CCDC7: variants seen among roughly 807,000 people sequenced by gnomAD.
CCDC7 encodes coiled-coil domain containing 7, also known as coiled-coil domain-containing protein 7.
A neutral mutation model predicts 196.9 loss-of-function variants in CCDC7; 183 were observed. The observed-to-expected ratio is 0.93, with a 90% confidence interval of 0.82 to 1.05. The LOEUF (loss-of-function observed/expected upper bound fraction) is 1.05. Among genes scored for constraint, CCDC7 ranks in the 50% least tolerant of loss-of-function variants. The probability of loss-of-function intolerance (pLI) is 0.00; values close to 1 mark genes in which losing one functional copy is unlikely to be tolerated. For synonymous variants in CCDC7, 525 were observed against 484.6 expected, an observed-to-expected ratio of 1.08 and a Z score of -1.10; for missense variants, 1,540 against 1,482.2, an observed-to-expected ratio of 1.04 and a Z score of -0.64.
At chr10:32,643,350 A>G (rs2067182765) in intron 20 of CCDC7, among the ~76,000 whole-genome samples, 1 of 152,072 alleles carries the variant, frequency 6.6e-6, no homozygotes, top group African/African-American at 2.4e-5. Context: ...TGTGTGGTGT[A>G]TCTCTTTTCA....
At chr10:32,581,411 C>G (rs1202386784) in intron 16 of CCDC7, among the ~76,000 whole-genome samples, 2 of 152,016 alleles carry the variant, frequency 1.3e-5, no homozygotes, top group Non-Finnish European at 2.9e-5. Flanking sequence ...TGTTCTCCTC[C>G]TCCTCCTCCT....
rs2033212413 is a variant in CCDC7 at position 32,452,050 on chromosome 10, A to G, written c.279+129A>G. Reference sequence around the variant, plus strand: ...GGCTAAGATTTATTACAGTAGGCACATGAGGTGAAATTAGGAGAAAACCAG... The same window carrying G: ...GGCTAAGATTTATTACAGTAGGCACGTGAGGTGAAATTAGGAGAAAACCAG... On this transcript the variant is annotated intron_variant, in intron 1 of 41. Transcript: ENST00000639629. 7.0e-6 allele frequency: 9 copies of G among 1,293,220 alleles called. No homozygotes were observed. The South Asian group carries it at 1.7e-4, about 24-fold the overall frequency. The allele number at this position is 1,293,220 out of a possible 1,614,324, so 80.1% of individuals were successfully genotyped here. A position where few individuals can be genotyped will look rare whatever the true frequency, so the allele number is the denominator to read the frequency against.
chr10:32,838,914 T>G (rs371631173), intron 33 of CCDC7, among the ~76,000 whole-genome samples: 31 of 152,094 alleles, frequency 2.0e-4, no homozygotes, highest in African/African-American at 7.0e-4. Context: ...AGATACAGTC[T>G]TTTCCAGACA....
At chr10:32,570,968 A>T (rs962472866) in intron 15 of CCDC7, among the ~76,000 whole-genome samples, 3 of 151,368 alleles carry the variant, frequency 2.0e-5, no homozygotes, top group African/African-American at 7.3e-5. Flanking sequence ...CACAAGAGGT[A>T]ATTTATTAAT....
chr10:32,554,134 C>T (rs2053963781), intron 13 of CCDC7, among the ~76,000 whole-genome samples: 1 of 152,212 alleles, frequency 6.6e-6, no homozygotes, highest in South Asian at 2.1e-4. Context: ...ACCCAGCTCC[C>T]ACCCAAAATG....
intron 21 of CCDC7, among the ~76,000 whole-genome samples, chr10:32,676,913 A>T (rs2075078095): frequency 1.3e-5 from 2 of 152,214 alleles, no homozygotes; most frequent in South Asian, 2.1e-4. Flanking sequence ...ATAAAGACAC[A>T]TGCACACATA....
chr10:32,454,005 T>A (rs2033747738), intron 2 of CCDC7, among the ~76,000 whole-genome samples: 1 of 152,130 alleles, frequency 6.6e-6, no homozygotes, highest in African/African-American at 2.4e-5. Context: ...TAGCATACAA[T>A]GAAATACTCT....
intron 21 of CCDC7, among the ~76,000 whole-genome samples, chr10:32,676,689 A>C (rs58763752): frequency 0.012 from 1,781 of 152,112 alleles, 21 homozygotes; most frequent in South Asian, 0.019. Context: ...CACACCAGTT[A>C]GAATGGCAAT....
intron 13 of CCDC7, among the ~76,000 whole-genome samples, chr10:32,545,624 G>A (rs1196997022): frequency 5.3e-5 from 8 of 152,148 alleles, no homozygotes; most frequent in Non-Finnish European, 2.9e-5. Flanking sequence ...CGTATGTCTG[G>A]GCAGGATGCG....
At chr10:32,790,751 C>T (rs1403935299) in intron 29 of CCDC7, among the ~76,000 whole-genome samples, 1 of 152,156 alleles carries the variant, frequency 6.6e-6, no homozygotes, top group Non-Finnish European at 1.5e-5. Context: ...TGTCCCTGAG[C>T]CAAGCTACTG....
At chr10:32,475,253 C>T (rs1256430553) in intron 8 of CCDC7, among the ~76,000 whole-genome samples, 1 of 152,210 alleles carries the variant, frequency 6.6e-6, no homozygotes, top group African/African-American at 2.4e-5. Flanking sequence ...AGTTCCCCTT[C>T]CCTACACTGT....
chr10:32,551,210 A>G (rs911486708), intron 13 of CCDC7, among the ~76,000 whole-genome samples: 1 of 152,014 alleles, frequency 6.6e-6, no homozygotes. Flanking sequence ...GTAGCCTTGA[A>G]TTATCTTTTG....
rs189586585 is a variant in CCDC7 at position 32,670,381 on chromosome 10, C to A, written c.2122+6220C>A. 6.9e-4 allele frequency among the ~76,000 whole-genome samples: 98 copies of A among 141,406 alleles called. 2 individuals carry two copies. The East Asian group carries it at 0.02, about 28-fold the overall frequency. 92.8% of individuals were successfully genotyped at this position (141,406 alleles called of 152,430 possible). A position where few individuals can be genotyped will look rare whatever the true frequency, so the allele number is the denominator to read the frequency against. ...GATTTCCTATACTTTTATTTACTTT[C>A]TTTTTTTTTTAAATTTATTATTATT... On this transcript the variant is annotated intron_variant, in intron 21 of 41. Transcript: ENST00000639629.
chr10:32,528,698 A>ATATATATGTATATATACGTATTTACG, intron 11 of CCDC7, among the ~76,000 whole-genome samples: 1 of 136,234 alleles, frequency 7.3e-6, no homozygotes, highest in Non-Finnish European at 1.5e-5. Flanking sequence ...ATACACACAC[A>ATATATATGTATATATACGTATTTACG]TATATATGTA....
Position 32,640,864 on chromosome 10 carries a change from C to CTTTTTTTTTTTTT in CCDC7, c.2014+5717_2014+5718insTTTTTTTTTTTTT. Among the ~76,000 whole-genome samples, 167 of 74,488 alleles carry CTTTTTTTTTTTTT rather than the reference C, an allele frequency of 2.2e-3. 5 individuals carry two copies. The highest frequency in any genetic ancestry group is 3.5e-3 in the Non-Finnish European group (115 of 32,690). The allele number at this position is 74,488 out of a possible 152,430, so 48.9% of individuals were successfully genotyped here. On this transcript the variant is annotated intron_variant, in intron 20 of 41. Coordinates refer to ENST00000639629, the Ensembl canonical transcript of CCDC7. ...CAGTCTCTTCTGGCTTGTAGATTTTCTTTTTTTTTTTCTTTTTTTTTTTAT... is the reference window on the plus strand; with the variant it reads ...CAGTCTCTTCTGGCTTGTAGATTTTCTTTTTTTTTTTTTTTTTTTTTTTTCTTTTTTTTTTTAT...
chr10:32,610,018 G>A (rs1435683126), intron 18 of CCDC7, among the ~76,000 whole-genome samples: 3 of 146,120 alleles, frequency 2.1e-5, no homozygotes, highest in Non-Finnish European at 4.4e-5. Flanking sequence ...TTTTGCGTAT[G>A]TGTATGTATG....
chr10:32,787,457 A>C (rs2134499778), intron 29 of CCDC7, among the ~76,000 whole-genome samples: 1 of 152,354 alleles, frequency 6.6e-6, no homozygotes, highest in African/African-American at 2.4e-5. Flanking sequence ...CAGATGTAAG[A>C]AAGATGCATT....
chr10:32,709,388 G>A (rs2080413098), intron 24 of CCDC7, among the ~76,000 whole-genome samples: 1 of 151,956 alleles, frequency 6.6e-6, no homozygotes, highest in African/African-American at 2.4e-5. Context: ...GTCAATTGGT[G>A]CAGCACATCA....
At chr10:32,800,024 A>C (rs1462978653) in intron 29 of CCDC7, among the ~76,000 whole-genome samples, 1 of 152,236 alleles carries the variant, frequency 6.6e-6, no homozygotes, top group African/African-American at 2.4e-5. Context: ...AGGTATCAGG[A>C]GATGTGTTAA....
Sources: allele counts gnomAD v4.1 joint callset (sites outside exome capture counted in the v4.1 genomes callset), GRCh38; gene constraint gnomAD v4.1.1; transcripts MANE v1.5; gene names NCBI Gene and HGNC (gene_info 2026-07-23, HGNC 2026-07-21).